The following REC114 variants were observed in gnomAD, a reference collection of about 807,000 sequenced individuals.
REC114 encodes meiotic recombination protein REC114.
Under a neutral mutation model 31.3 loss-of-function variants are expected in REC114, and 27 were observed. That is an observed-to-expected ratio of 0.86 (90% confidence interval 0.64 to 1.19). The LOEUF is 1.19. Among genes scored for constraint, REC114 ranks in the 50% most tolerant of loss-of-function variants. The pLI is 0.00. For missense variants in REC114, 344 were observed against 326.9 expected, an observed-to-expected ratio of 1.05 and a Z score of -0.40; for synonymous variants, 134 against 127.7, an observed-to-expected ratio of 1.05 and a Z score of -0.33.
intron 2 of REC114, among the ~76,000 whole-genome samples, chr15:73,502,898 C>T (rs980523733): frequency 2.6e-5 from 4 of 152,190 alleles, no homozygotes; most frequent in African/African-American, 4.8e-5. Flanking sequence ...CAATATTTTT[C>T]TATGCATGCT....
At chr15:73,540,099 C>T (rs77711795) in intron 2 of REC114, among the ~76,000 whole-genome samples, 7,827 of 152,062 alleles carry the variant, frequency 0.051, 218 homozygotes, top group South Asian at 0.094. Context: ...GAGTTAGAGA[C>T]GTGCCAGATA....
At chr15:73,452,336 A>C (rs1892861977) in intron 1 of REC114, among the ~76,000 whole-genome samples, 1 of 152,224 alleles carries the variant, frequency 6.6e-6, no homozygotes, top group Non-Finnish European at 1.5e-5. Flanking sequence ...CCTATACACC[A>C]ATAACAGACA....
intron 4 of REC114, 120 bp from the exon 5 acceptor site, chr15:73,556,182 T>C (rs1894463391): frequency 1.2e-6 from 1 of 804,656 alleles, no homozygotes; most frequent in African/African-American, 1.7e-5. Context: ...CAACCATTTT[T>C]ATCACTCTTA....
intron 3 of REC114, among the ~76,000 whole-genome samples, chr15:73,549,075 C>A (rs916515741): frequency 7.2e-5 from 11 of 152,002 alleles, no homozygotes; most frequent in Non-Finnish European, 1.3e-4. Context: ...GGGTACTAGG[C>A]TTAATACCTG....
rs769569268 is a variant in REC114 at position 73,462,884 on chromosome 15, C to CAAAAAAAAAAAA, written c.160-10936_160-10925dup. 5.3e-3 allele frequency among the ~76,000 whole-genome samples: 294 copies of CAAAAAAAAAAAA among 55,624 alleles called. 21 individuals are homozygous for CAAAAAAAAAAAA. The highest frequency in any genetic ancestry group is 0.019 in the African/African-American group (273 of 14,166). The allele number at this position is 55,624 out of a possible 152,430, so 36.5% of individuals were successfully genotyped here. On this transcript the variant is annotated intron_variant, in intron 1 of 5. Transcript: ENST00000331090. The stretch of plus-strand genomic sequence containing the variant: ...TGGGCAACAGAGTGAGACTCCGTCT[C>CAAAAAAAAAAAA]AAAAAAAAAAAAAAAAAAAAAAATT...
chr15:73,505,796 T>C (rs1164097686), intron 2 of REC114, among the ~76,000 whole-genome samples: 1 of 152,158 alleles, frequency 6.6e-6, no homozygotes, highest in East Asian at 1.9e-4. Flanking sequence ...CCTCCCAAAG[T>C]GCTGGGATTA....
intron 5 of REC114, among the ~76,000 whole-genome samples, chr15:73,557,414 T>TAAAAAA (rs767116205): frequency 8.8e-6 from 1 of 113,190 alleles, no homozygotes; most frequent in African/African-American, 3.2e-5. Context: ...ATCAGTAGTT[T>TAAAAAA]AAAAAAAAAA....
At chr15:73,559,223 A>G (rs1023641147) in intron 5 of REC114, among the ~76,000 whole-genome samples, 3 of 152,230 alleles carry the variant, frequency 2.0e-5, no homozygotes, top group African/African-American at 7.2e-5. Context: ...TTGTGGTGAC[A>G]GTTACACGAC....
chr15:73,449,896 C>A (rs1239346153), intron 1 of REC114, among the ~76,000 whole-genome samples: 1 of 152,148 alleles, frequency 6.6e-6, no homozygotes, highest in Non-Finnish European at 1.5e-5. Context: ...TCCAGCCAAA[C>A]TAAGCTTCAT....
At chr15:73,459,524 G>A (rs1199314687) in intron 1 of REC114, among the ~76,000 whole-genome samples, 1 of 152,136 alleles carries the variant, frequency 6.6e-6, no homozygotes, top group Non-Finnish European at 1.5e-5. Flanking sequence ...GAGCCACCGC[G>A]CCCGGCCCTA....
chr15:73,473,865 G>A lies in REC114; in HGVS notation c.193G>A (p.Val65Ile). ...TTCCAATGAAGAATCTGGATATCTTGTTCTCACCATAGTTATATCAGGTCA... is the reference window on the plus strand; with the variant it reads ...TTCCAATGAAGAATCTGGATATCTTATTCTCACCATAGTTATATCAGGTCA... ...FDSNEESGYL[V>I]LTIVISGHFF... is the part of the protein sequence containing the mutation. The change falls in exon 2 of 6, where the codon GTT becomes ATT. Residue 65 changes from valine (V) to isoleucine (I), a missense_variant. Coordinates refer to ENST00000331090, the MANE Select transcript of REC114 (RefSeq NM_001042367.2). 1 of 1,586,140 alleles carries A rather than the reference G, an allele frequency of 6.3e-7. No homozygotes were observed. The highest frequency in any genetic ancestry group is 2.3e-5 in the East Asian group (1 of 44,432).
At chr15:73,512,200 G>A (rs1324674131) in intron 2 of REC114, among the ~76,000 whole-genome samples, 3 of 122,522 alleles carry the variant, frequency 2.4e-5, no homozygotes, top group South Asian at 2.6e-4. Flanking sequence ...ATTATGTAAT[G>A]GCCTTCTTTG....
chr15:73,458,617 G>A (rs1185894748), intron 1 of REC114, among the ~76,000 whole-genome samples: 1 of 152,188 alleles, frequency 6.6e-6, no homozygotes, highest in Non-Finnish European at 1.5e-5. Flanking sequence ...TAGGTACTGA[G>A]GCTCCTTCTT....
At chr15:73,507,967 C>G (rs533127172) in intron 2 of REC114, among the ~76,000 whole-genome samples, 1 of 152,132 alleles carries the variant, frequency 6.6e-6, no homozygotes, top group East Asian at 1.9e-4. Context: ...TCTGTATAAA[C>G]GAGGTGGATG....
chr15:73,451,653 T>C (rs987627531), intron 1 of REC114, among the ~76,000 whole-genome samples: 8 of 152,188 alleles, frequency 5.3e-5, no homozygotes, highest in African/African-American at 1.9e-4. Flanking sequence ...CATCCTGATA[T>C]CAAAACCTGG....
rs1253543051 is a variant in REC114, at chr15:73,499,650, T to A, written c.249+25729T>A. On this transcript the variant is annotated intron_variant, in intron 2 of 5. Transcript: ENST00000331090. ...AAAAATACAAGTCTGGTCAGATAATTTTCTTGCTTCCAGTTTCTTCAAAGC... is the reference window on the plus strand; with the variant it reads ...AAAAATACAAGTCTGGTCAGATAATATTCTTGCTTCCAGTTTCTTCAAAGC... 3.5e-4 allele frequency among the ~76,000 whole-genome samples: 53 copies of A among 152,172 alleles called. 1 individual carries two copies.
intron 3 of REC114, among the ~76,000 whole-genome samples, chr15:73,544,039 G>A (rs1350525600): frequency 6.9e-6 from 1 of 145,606 alleles, no homozygotes; most frequent in Admixed American, 7.3e-5. Flanking sequence ...TCAACCTTCA[G>A]GGCTCAAACA....
At chr15:73,517,336 T>A (rs1418546866) in intron 2 of REC114, among the ~76,000 whole-genome samples, 2 of 152,144 alleles carry the variant, frequency 1.3e-5, no homozygotes, top group African/African-American at 4.8e-5. Flanking sequence ...AAAAATTTTT[T>A]TAAAAGGTAT....
intron 1 of REC114, among the ~76,000 whole-genome samples, chr15:73,470,388 C>A (rs1161384504): frequency 2.0e-5 from 3 of 152,028 alleles, no homozygotes; most frequent in Non-Finnish European, 2.9e-5. Flanking sequence ...TATCTGATAA[C>A]ATTTTCTTTC....
Sources: allele counts gnomAD v4.1 joint callset (sites outside exome capture counted in the v4.1 genomes callset), GRCh38; gene constraint gnomAD v4.1.1; transcripts MANE v1.5; gene names NCBI Gene and HGNC (gene_info 2026-07-23, HGNC 2026-07-21).